KMT5A: variants seen among roughly 807,000 people sequenced by gnomAD.
The protein encoded by KMT5A is lysine methyltransferase 5A.
A neutral mutation model predicts 40.6 loss-of-function variants in KMT5A; 6 were observed. That is an observed-to-expected ratio of 0.15 (90% CI 0.08 to 0.29). KMT5A has a LOEUF of 0.29. KMT5A is among the 10% of genes least tolerant of loss of function. KMT5A has a pLI of 1.00. For missense variants in KMT5A, 308 were observed against 459.1 expected, an observed-to-expected ratio of 0.67 and a Z score of 3.01; for synonymous variants, 153 against 178.8, an observed-to-expected ratio of 0.86 and a Z score of 1.15.
In KMT5A at chr12:123,398,041, G is replaced by A. The variant is rs142533184; in HGVS notation, c.597+1609G>A. ...CTCACACCTGTAATCCTAGCACTTTGGGAGGCCCAGGTGAGCGGATCATCT... is the reference window on the plus strand; with the variant it reads ...CTCACACCTGTAATCCTAGCACTTTAGGAGGCCCAGGTGAGCGGATCATCT... On this transcript the variant is annotated intron_variant, in intron 5 of 7. Transcript: ENST00000402868. Among the ~76,000 whole-genome samples the A allele has an allele frequency of 7.7e-3, 1,166 of 151,602 alleles. 19 individuals are homozygous for A. Among genetic ancestry groups the A allele is most frequent in the African/African-American group, 0.026 (1,076 of 41,390 alleles).
intron 1 of KMT5A, among the ~76,000 whole-genome samples, chr12:123,386,928 T>G (rs1016525529): frequency 6.6e-6 from 1 of 151,994 alleles, no homozygotes; most frequent in Admixed American, 6.6e-5. Flanking sequence ...CAATCTTGGC[T>G]CACTGCAAAC....
intron 6 of KMT5A, 98 bp downstream of exon 6, chr12:123,403,730 C>G: frequency 7.5e-7 from 1 of 1,335,622 alleles, no homozygotes; most frequent in South Asian, 1.2e-5. Context: ...GGCTTTCACC[C>G]TCTAATGGCC....
intron 1 of KMT5A, 130 bp from the exon 2 acceptor site, chr12:123,389,303 A>G: frequency 2.0e-6 from 1 of 512,292 alleles, no homozygotes; most frequent in Non-Finnish European, 2.5e-6. Context: ...GCGGCTCACC[A>G]GAGCCGGGGC....
intron 1 of KMT5A, chr12:123,388,767 C>T (rs1215240106): frequency 3.5e-5 from 2 of 56,350 alleles, no homozygotes; most frequent in Non-Finnish European, 7.0e-5. Flanking sequence ...GGAGGGCGGG[C>T]GGGAGCCTGG....
chr12:123,388,262 C>T (rs1419615721), intron 1 of KMT5A, among the ~76,000 whole-genome samples: 1 of 152,210 alleles, frequency 6.6e-6, no homozygotes, highest in South Asian at 2.1e-4. Flanking sequence ...GGTCAGTTGG[C>T]TGGGGCTGAA....
intron 3 of KMT5A, among the ~76,000 whole-genome samples, chr12:123,392,532 C>A (rs1271127745): frequency 1.3e-5 from 2 of 152,074 alleles, no homozygotes; most frequent in Non-Finnish European, 2.9e-5. Context: ...GGCATGGTGG[C>A]ATGCATCTGT....
chr12:123,385,696 A>G (rs1876833925), intron 1 of KMT5A, among the ~76,000 whole-genome samples: 1 of 152,248 alleles, frequency 6.6e-6, no homozygotes, highest in African/African-American at 2.4e-5. Flanking sequence ...TACTAAAAAT[A>G]CAAAATTAGC....
At chr12:123,386,890 C>T (rs555480562) in intron 1 of KMT5A, among the ~76,000 whole-genome samples, 2 of 152,198 alleles carry the variant, frequency 1.3e-5, no homozygotes, top group African/African-American at 2.4e-5. Flanking sequence ...GAGTCTCACT[C>T]TGTCACCCAG....
At position 123,390,806 on chromosome 12, in the gene KMT5A, T is replaced by TCG. The variant is rs1877258087; in HGVS notation, c.289+21_289+22dup. On this transcript the variant is annotated intron_variant, in intron 3 of 7. Coordinates refer to ENST00000402868, the MANE Select transcript of KMT5A (RefSeq NM_020382.7). ...GAGAAGGTAAGCTTTTGAAATGGCC[T>TCG]CGTTCTGATCCCAGCTGGTCGGGTT... 6.2e-7 allele frequency: 1 copy of TCG among 1,612,718 alleles called. No individual in the cohort carries two copies. The highest frequency in any genetic ancestry group is 1.3e-5 in the African/African-American group (1 of 74,836).
intron 5 of KMT5A, among the ~76,000 whole-genome samples, chr12:123,397,352 T>G (rs1877806448): frequency 6.6e-6 from 1 of 152,204 alleles, no homozygotes; most frequent in Non-Finnish European, 1.5e-5. Context: ...ACCACCGGGT[T>G]GGGAGAGGTG....
intron 5 of KMT5A, among the ~76,000 whole-genome samples, chr12:123,401,030 G>A (rs949613988): frequency 2.0e-5 from 3 of 150,864 alleles, no homozygotes; most frequent in Non-Finnish European, 4.4e-5. Flanking sequence ...CCTGACCTCA[G>A]GTGATCCACC....
chr12:123,398,132 A>C (rs1265362899), intron 5 of KMT5A, among the ~76,000 whole-genome samples: 3 of 152,110 alleles, frequency 2.0e-5, no homozygotes, highest in Non-Finnish European at 4.4e-5. Context: ...AAATACAAAA[A>C]TTAGCCAGGC....
intron 2 of KMT5A, among the ~76,000 whole-genome samples, chr12:123,390,341 G>A (rs899701939): frequency 6.6e-6 from 1 of 152,132 alleles, no homozygotes; most frequent in African/African-American, 2.4e-5. Flanking sequence ...TCCCTGTTGC[G>A]GGTAGGCTGT....
Position 123,395,527 on chromosome 12 carries a change from A to ATT in KMT5A, c.509+268_509+269dup, listed in dbSNP as rs59272079. On this transcript the variant is annotated intron_variant, in intron 4 of 7. Transcript: ENST00000402868. ...TAAGCAGCCTTTGTTTTTTAAATTT[A>ATT]TTTTTTTTGTTTGTCTTTTTTGGTG... Among the ~76,000 whole-genome samples, 147 of 148,738 alleles carry ATT rather than the reference A, an allele frequency of 9.9e-4. 1 individual carries two copies. The highest frequency in any genetic ancestry group is 2.9e-3 in the African/African-American group (118 of 40,412).
chr12:123,404,767 G>T, intron 6 of KMT5A, 117 bp from the exon 7 acceptor site: 2 of 970,440 alleles, frequency 2.1e-6, no homozygotes, highest in Non-Finnish European at 3.1e-6. Context: ...TGAATTTTAT[G>T]ACATGGCTCA....
At chr12:123,390,004 A>G (rs1566073081) in intron 2 of KMT5A, 1 of 461,360 alleles carries the variant, frequency 2.2e-6, no homozygotes, top group Non-Finnish European at 4.4e-6. Context: ...CCACTCTCTT[A>G]CTGACGCCCA....
intron 2 of KMT5A, chr12:123,390,287 C>T (rs1308427509): frequency 7.8e-6 from 3 of 385,900 alleles, no homozygotes; most frequent in Admixed American, 3.5e-5. Flanking sequence ...GCAGTGAACT[C>T]CTAAAGATAG....
chr12:123,396,383 A>G lies in KMT5A; in HGVS notation c.548A>G (p.Asp183Gly). The change falls in exon 5 of 8, where the codon GAT (aspartate) becomes GGT (glycine). Residue 183 changes from aspartate (D) to glycine (G), a missense_variant. Asp to Gly is a moderately conservative substitution (Grantham distance 94). Transcript: ENST00000402868. ...GKTQQNRKLT[D>G]FYPVRRSSRK... is the part of the protein sequence containing the mutation. ...ACGCAACAGAATCGCAAACTTACGG[A>G]TTTCTACCCTGTCCGAAGGAGCTCC... 6.2e-7 allele frequency: 1 copy of G among 1,613,838 alleles called. No individual in the cohort carries two copies. Among genetic ancestry groups the G allele is most frequent in the Non-Finnish European group, 8.5e-7 (1 of 1,179,986 alleles).
rs150276294 is a variant in KMT5A, at chr12:123,386,291, C to T, written c.10+2083C>T. ...AGTACAGTGGAGTGATTTCAGCCCGCTTCACCCTCCCTCTCCTGTGTTCAA... is the reference window on the plus strand; with the variant it reads ...AGTACAGTGGAGTGATTTCAGCCCGTTTCACCCTCCCTCTCCTGTGTTCAA... On this transcript the variant is annotated intron_variant, in intron 1 of 7. Coordinates refer to ENST00000402868, the MANE Select transcript of KMT5A (RefSeq NM_020382.7). 6.8e-3 allele frequency among the ~76,000 whole-genome samples: 974 copies of T among 142,322 alleles called. 5 individuals carry two copies. The highest frequency in any genetic ancestry group is 0.023 in the African/African-American group (868 of 37,894). The allele number at this position is 142,322 out of a possible 152,430, so 93.4% of individuals were successfully genotyped here.
Sources: gnomAD v4.1 joint callset for allele counts (sites outside exome capture counted in the v4.1 genomes callset) on GRCh38, gnomAD v4.1.1 for gene constraint, MANE v1.5 for transcripts, NCBI Gene and HGNC (gene_info 2026-07-23, HGNC 2026-07-21) for gene names.